APH1B: variants seen among roughly 807,000 people sequenced by gnomAD.
APH1B encodes gamma-secretase subunit APH-1B.
APH1B carries 27 observed loss-of-function variants against 28.2 expected under a neutral mutation model. The ratio of observed to expected loss-of-function variants is 0.96; its 90% confidence interval spans 0.70 to 1.32. The LOEUF is 1.32. Ranked by LOEUF, APH1B falls within the 40% of genes most tolerant of loss-of-function variation. APH1B has a pLI of 0.00. For synonymous variants in APH1B, 141 were observed against 124.6 expected, an observed-to-expected ratio of 1.13 and a Z score of -0.88; for missense variants, 305 against 313.6, an observed-to-expected ratio of 0.97 and a Z score of 0.21.
chr15:63,283,727 C>G (rs2038414282), intron 2 of APH1B, among the ~76,000 whole-genome samples: 1 of 152,150 alleles, frequency 6.6e-6, no homozygotes, highest in Non-Finnish European at 1.5e-5. Context: ...TCTTTAGTTG[C>G]TTGTGGTTTA....
intron 4 of APH1B, among the ~76,000 whole-genome samples, chr15:63,299,222 G>C (rs1450438302): frequency 6.6e-6 from 1 of 152,130 alleles, no homozygotes; most frequent in African/African-American, 2.4e-5. Context: ...ACTTGACTTT[G>C]GAGGCAAAGT....
intron 4 of APH1B, among the ~76,000 whole-genome samples, chr15:63,288,282 A>G (rs753532684): frequency 6.6e-5 from 10 of 152,200 alleles, no homozygotes; most frequent in Non-Finnish European, 1.5e-4. Flanking sequence ...CTAATAAGGG[A>G]ATAAGAGAAA....
At chr15:63,305,541 T>G in intron 5 of APH1B, 73 bp from the exon 6 acceptor site, 1 of 1,542,794 alleles carries the variant, frequency 6.5e-7, no homozygotes, top group Non-Finnish European at 8.9e-7. Context: ...CATGCTTCCC[T>G]TTATCTTTGG....
At chr15:63,288,522 G>A (rs1266219954) in intron 4 of APH1B, among the ~76,000 whole-genome samples, 1 of 152,112 alleles carries the variant, frequency 6.6e-6, no homozygotes, top group African/African-American at 2.4e-5. Flanking sequence ...CCCTCAACTG[G>A]TTAGTCTTTC....
chr15:63,286,753 C>T, intron 3 of APH1B, 125 bp downstream of exon 3: 2 of 858,782 alleles, frequency 2.3e-6, no homozygotes, highest in Non-Finnish European at 3.4e-6. Context: ...TATTGGTGTA[C>T]ATATTTGCTT....
In APH1B at chr15:63,286,608, C is replaced by G. The variant is rs758025227; in HGVS notation, c.335C>G (p.Ser112Cys). The change falls in exon 3 of 6, where the codon TCT becomes TGT. Residue 112 changes from serine to cysteine, a missense_variant. Transcript: ENST00000261879. Reference sequence around the variant, plus strand: ...ATAAACCCAGGTGAGACAGCACCCTCTATGCGACTGCTGGCCTATGGTAAG... The same window carrying G: ...ATAAACCCAGGTGAGACAGCACCCTGTATGCGACTGCTGGCCTATGGTAAG... Reference protein sequence around the residue: ...KSINPGETAPSMRLLAYVSGL... With the variant: ...KSINPGETAPCMRLLAYVSGL... The G allele has an allele frequency of 2.8e-5, 45 of 1,607,426 alleles. No individual in the cohort carries two copies. The highest frequency in any genetic ancestry group is 3.4e-5 in the Admixed American group (2 of 58,828).
At chr15:63,281,549 A>G (rs892685581) in intron 2 of APH1B, among the ~76,000 whole-genome samples, 1 of 151,830 alleles carries the variant, frequency 6.6e-6, no homozygotes, top group Non-Finnish European at 1.5e-5. Context: ...AAAAAAAAAA[A>G]AACAAAAAAA....
chr15:63,297,749 G>A (rs994618816), intron 4 of APH1B, among the ~76,000 whole-genome samples: 11 of 152,092 alleles, frequency 7.2e-5, no homozygotes, highest in Admixed American at 5.2e-4. Context: ...CTGTAGCCAC[G>A]TGTGTGTGGC....
rs1379999760 is a variant in APH1B, at chr15:63,306,011, C to G, written c.*230C>G. ...TGGGACAGTGTAAAGCCGACTGATT[C>G]TGGGCTCCACCTTCCAGAGCTAATT... is the stretch of plus-strand genomic sequence containing the variant. On this transcript the variant is annotated 3_prime_UTR_variant, in exon 6 of 6. Transcript: ENST00000261879. The G allele has an allele frequency of 8.1e-6, 4 of 491,104 alleles. No individual in the cohort carries two copies. The highest frequency in any genetic ancestry group is 2.4e-5 in the South Asian group (1 of 40,888). The allele number at this position is 491,104 out of a possible 1,614,324, so 30.4% of individuals were successfully genotyped here.
Position 63,302,361 on chromosome 15 carries a change from C to T in APH1B, c.495C>T (p.Val165=). ...FFLYSAFMTL[V]IILLHVFWGI... ...CTCTTTCAGCTTTCATGACGCTGGT[C>T]ATTATCTTGCTGCATGTATTCTGGG... Residue 165 remains valine, a synonymous_variant, in exon 5 of 6, where the codon GTC becomes GTT. Transcript: ENST00000261879. The T allele has an allele frequency of 1.2e-6, 2 of 1,613,860 alleles. No individual in the cohort carries two copies. Among genetic ancestry groups the T allele is most frequent in the South Asian group, 2.2e-5 (2 of 91,022 alleles).
chr15:63,299,780 TTC>T (rs1184497075), intron 4 of APH1B, among the ~76,000 whole-genome samples: 1 of 152,030 alleles, frequency 6.6e-6, no homozygotes, highest in African/African-American at 2.4e-5. Context: ...TGGTAAACAC[TTC>T]TTTCCCCACT....
intron 2 of APH1B, among the ~76,000 whole-genome samples, chr15:63,280,544 C>G (rs1249822268): frequency 6.6e-6 from 1 of 152,148 alleles, no homozygotes; most frequent in African/African-American, 2.4e-5. Flanking sequence ...ATTTGTTACT[C>G]TTTGCTTTTA....
intron 4 of APH1B, among the ~76,000 whole-genome samples, chr15:63,300,529 C>T (rs1393206947): frequency 1.3e-5 from 2 of 152,164 alleles, no homozygotes; most frequent in Non-Finnish European, 2.9e-5. Context: ...AACTGCACTC[C>T]TGGGCATCTT....
chr15:63,296,337 C>T (rs765174730), intron 4 of APH1B, among the ~76,000 whole-genome samples: 34 of 152,342 alleles, frequency 2.2e-4, no homozygotes, highest in Non-Finnish European at 3.2e-4. Flanking sequence ...TGGGCAGCTG[C>T]GGCTGAGCTT....
chr15:63,301,260 G>A (rs1351556477), intron 4 of APH1B, among the ~76,000 whole-genome samples: 2 of 152,242 alleles, frequency 1.3e-5, no homozygotes, highest in Non-Finnish European at 2.9e-5. Flanking sequence ...TCTTTAATTT[G>A]TAATGCTAGA....
chr15:63,287,496 C>T lies in APH1B; in HGVS notation c.428C>T (p.Pro143Leu), dbSNP rs566316289. 1.2e-6 allele frequency: 2 copies of T among 1,613,982 alleles called. No homozygotes were observed. Among genetic ancestry groups the T allele is most frequent in the African/African-American group, 1.3e-5 (1 of 75,040 alleles). ...AATACCCTATCTGACTCCTTGGGGC[C>T]AGGCACAGTGGGCATTCATGGAGAT... is the stretch of plus-strand genomic sequence containing the variant. The part of the protein sequence containing the change: ...FVNTLSDSLG[P>L]GTVGIHGDSP... Residue 143 changes from proline (P) to leucine (L), a missense_variant, in exon 4 of 6, where the codon CCA (proline) becomes CTA (leucine). Coordinates refer to ENST00000261879, the MANE Select transcript of APH1B (RefSeq NM_031301.4).
intron 5 of APH1B, 125 bp downstream of exon 5, chr15:63,302,597 A>C: frequency 7.6e-7 from 1 of 1,309,360 alleles, no homozygotes; most frequent in Non-Finnish European, 1.0e-6. Flanking sequence ...AAAGCTATTT[A>C]AGTGAATGAA....
Position 63,304,174 on chromosome 15 carries a change from C to G in APH1B, c.607-1440C>G, listed in dbSNP as rs951847513. Among the ~76,000 whole-genome samples the G allele has an allele frequency of 6.6e-6, 1 of 152,058 alleles. No homozygotes were observed. The highest frequency in any genetic ancestry group is 2.4e-5 in the African/African-American group (1 of 41,404). Reference sequence around the variant, plus strand: ...TCCCTGATGATTAATAGGTTGAGCCCCATGTTGTGTGGCTCCGTTGACAGA... The same window carrying G: ...TCCCTGATGATTAATAGGTTGAGCCGCATGTTGTGTGGCTCCGTTGACAGA... On this transcript the variant is annotated intron_variant, in intron 5 of 5. Coordinates refer to ENST00000261879, the MANE Select transcript of APH1B (RefSeq NM_031301.4). The surrounding 1 kb of genome is among the most constrained non-coding windows in gnomAD (Gnocchi z 5.1).
At chr15:63,293,454 A>G (rs1373471818) in intron 4 of APH1B, among the ~76,000 whole-genome samples, 1 of 150,040 alleles carries the variant, frequency 6.7e-6, no homozygotes, top group Non-Finnish European at 1.5e-5. Context: ...GGCGTAAGCC[A>G]CCGCACCTGG....
Sources: allele counts gnomAD v4.1 joint callset (sites outside exome capture counted in the v4.1 genomes callset), GRCh38; gene constraint gnomAD v4.1.1; non-coding constraint Gnocchi (gnomAD v3.1); transcripts MANE v1.5; gene names NCBI Gene and HGNC (gene_info 2026-07-23, HGNC 2026-07-21).